CDH4: variants seen among roughly 807,000 people sequenced by gnomAD.
CDH4 encodes cadherin-4.
Under a neutral mutation model 86.0 loss-of-function variants are expected in CDH4, and 33 were observed. The observed-to-expected ratio is 0.38, with a 90% confidence interval of 0.29 to 0.51. The LOEUF (loss-of-function observed/expected upper bound fraction) is 0.51. CDH4 is among the 20% of genes least tolerant of loss of function. The probability of loss-of-function intolerance (pLI) is 0.86; values close to 1 mark genes in which losing one functional copy is unlikely to be tolerated. For synonymous variants in CDH4, 555 were observed against 549.4 expected (o/e 1.01, Z -0.14); for missense variants, 1,114 against 1,307.4 (o/e 0.85, Z 2.28).
At chr20:61,758,339 C>T (rs984878464) in intron 3 of CDH4, among the ~76,000 whole-genome samples, 1 of 152,242 alleles carries the variant, frequency 6.6e-6, no homozygotes, top group African/African-American at 2.4e-5. Flanking sequence ...AACGTAATTA[C>T]TCAGTGCTCC....
chr20:61,685,908 A>C (rs2145864323), intron 2 of CDH4, among the ~76,000 whole-genome samples: 1 of 152,370 alleles, frequency 6.6e-6, no homozygotes, highest in East Asian at 1.9e-4. Flanking sequence ...CACACCATTT[A>C]GCATTCCAGA....
At chr20:61,896,338 G>A (rs943485598) in intron 8 of CDH4, among the ~76,000 whole-genome samples, 1 of 152,226 alleles carries the variant, frequency 6.6e-6, no homozygotes, top group African/African-American at 2.4e-5. Context: ...AGGCAACTAA[G>A]GCCAGAGCCC....
intron 2 of CDH4, among the ~76,000 whole-genome samples, chr20:61,333,270 C>CGT (rs1250102690): frequency 2.1e-5 from 3 of 145,322 alleles, no homozygotes; most frequent in Admixed American, 2.0e-4. Flanking sequence ...CATGTACACA[C>CGT]ACACACACAC....
intron 2 of CDH4, among the ~76,000 whole-genome samples, chr20:61,611,642 C>T (rs928012460): frequency 7.2e-5 from 11 of 152,138 alleles, no homozygotes; most frequent in Admixed American, 6.5e-4. Context: ...AGCTTTTCTG[C>T]CAACCCACTA....
intron 2 of CDH4, among the ~76,000 whole-genome samples, chr20:61,267,630 TAAC>T (rs1275322923): frequency 6.6e-6 from 1 of 152,240 alleles, no homozygotes; most frequent in South Asian, 2.1e-4. Flanking sequence ...AATGGAATCT[TAAC>T]AAGGATTATA....
intron 3 of CDH4, among the ~76,000 whole-genome samples, chr20:61,755,271 CCACACA>C (rs571056841): frequency 3.4e-5 from 5 of 148,390 alleles, no homozygotes; most frequent in South Asian, 2.2e-4. Flanking sequence ...CATATCAATA[CCACACA>C]CACACACACG....
chr20:61,832,774 A>G (rs1384180782), intron 4 of CDH4, among the ~76,000 whole-genome samples: 2 of 152,298 alleles, frequency 1.3e-5, no homozygotes, highest in East Asian at 3.9e-4. Flanking sequence ...GGGTGGGGAC[A>G]CAAAGTCTAA....
At chr20:61,873,499 T>A (rs1489140660) in intron 6 of CDH4, among the ~76,000 whole-genome samples, 3 of 152,260 alleles carry the variant, frequency 2.0e-5, no homozygotes, top group Non-Finnish European at 4.4e-5. Flanking sequence ...TCAGAGCAGA[T>A]GACCTCAAAG....
intron 4 of CDH4, among the ~76,000 whole-genome samples, chr20:61,815,271 C>G (rs1324018562): frequency 3.3e-5 from 5 of 152,196 alleles, no homozygotes; most frequent in Admixed American, 6.5e-5. Flanking sequence ...AAAGCAATAA[C>G]AGAGCATCCC....
Position 61,747,397 on chromosome 20 carries a change from G to A in CDH4, c.396+3608G>A, listed in dbSNP as rs140697678. ...TGGGAGGCGGAGCTCGCAGTGAGCCGAGTGAGCCACCGCACTCCAGCCTAG... is the reference window on the plus strand; with the variant it reads ...TGGGAGGCGGAGCTCGCAGTGAGCCAAGTGAGCCACCGCACTCCAGCCTAG... On this transcript the variant is annotated intron_variant, in intron 3 of 15. Coordinates refer to ENST00000614565, the MANE Select transcript of CDH4 (RefSeq NM_001794.5). Among the ~76,000 whole-genome samples the A allele has an allele frequency of 6.9e-3, 1,025 of 147,706 alleles. 13 individuals are homozygous for A. The highest frequency in any genetic ancestry group is 0.024 in the African/African-American group (967 of 39,794).
At chr20:61,591,717 C>T (rs956795453) in intron 2 of CDH4, among the ~76,000 whole-genome samples, 5 of 152,176 alleles carry the variant, frequency 3.3e-5, no homozygotes, top group African/African-American at 1.2e-4. Context: ...TTCTGTTGTT[C>T]TCTGAATGGA....
intron 8 of CDH4, among the ~76,000 whole-genome samples, chr20:61,901,926 C>T (rs998957867): frequency 1.3e-5 from 2 of 152,216 alleles, no homozygotes; most frequent in Non-Finnish European, 2.9e-5. Context: ...AAGTAAAGTT[C>T]GCAGTCGGCC....
intron 2 of CDH4, among the ~76,000 whole-genome samples, chr20:61,444,282 TG>T (rs1167892025): frequency 0.14 from 20,471 of 151,058 alleles, 114 homozygotes; most frequent in Admixed American, 0.16. Flanking sequence ...TGTATGTGTA[TG>T]TATGTGTGGG....
In CDH4 at chr20:61,367,017, G is replaced by A. The variant is rs577573835; in HGVS notation, c.169+112080G>A. 4.4e-4 allele frequency among the ~76,000 whole-genome samples: 67 copies of A among 152,248 alleles called. No individual in the cohort carries two copies. In the South Asian group the frequency reaches 5.4e-3, roughly 12 times the overall value. On this transcript the variant is annotated intron_variant, in intron 2 of 15. Coordinates refer to ENST00000614565, the MANE Select transcript of CDH4 (RefSeq NM_001794.5). The stretch of plus-strand genomic sequence containing the variant: ...AACACATTGCAGGCAACGAGACAGC[G>A]GGGCCCATCGACCCCACCCACCCCA...
chr20:61,876,814 G>A (rs879526951), intron 7 of CDH4, among the ~76,000 whole-genome samples: 1 of 152,196 alleles, frequency 6.6e-6, no homozygotes, highest in Non-Finnish European at 1.5e-5. Flanking sequence ...AAGACAAACA[G>A]CTAAAGCTTT....
intron 2 of CDH4, among the ~76,000 whole-genome samples, chr20:61,715,833 G>A (rs952037606): frequency 2.6e-5 from 4 of 152,138 alleles, no homozygotes; most frequent in African/African-American, 7.2e-5. Context: ...CCCATGCACT[G>A]GGCCAGGCCT....
Position 61,708,492 on chromosome 20 carries a change from C to T in CDH4, c.170-35071C>T, listed in dbSNP as rs541140213. Among the ~76,000 whole-genome samples the T allele has an allele frequency of 1.3e-5, 2 of 152,288 alleles. No homozygotes were observed. The highest frequency in any genetic ancestry group is 6.5e-5 in the Admixed American group (1 of 15,304). Reference sequence around the variant, plus strand: ...GCTATGGAGAAACCCAATCCAGGCCCCGGGCTCCCAGTTTGACACCCGGCC... The same window carrying T: ...GCTATGGAGAAACCCAATCCAGGCCTCGGGCTCCCAGTTTGACACCCGGCC... On this transcript the variant is annotated intron_variant, in intron 2 of 15. Transcript: ENST00000614565. This position sits in a 1 kb window ranked among gnomAD's most constrained non-coding sequence, Gnocchi z 4.5.
chr20:61,608,760 G>T (rs117960458), intron 2 of CDH4, among the ~76,000 whole-genome samples: 1 of 152,192 alleles, frequency 6.6e-6, no homozygotes, highest in African/African-American at 2.4e-5. Flanking sequence ...GGCTGCAGGC[G>T]TCACTGCCAC....
chr20:61,926,365 C>T (rs551188065), intron 11 of CDH4, among the ~76,000 whole-genome samples: 4 of 152,328 alleles, frequency 2.6e-5, no homozygotes, highest in Admixed American at 2.6e-4. Context: ...ATTGTGCAAA[C>T]GCTCGTCCCA....
Sources: allele counts gnomAD v4.1 joint callset (sites outside exome capture counted in the v4.1 genomes callset), GRCh38; gene constraint gnomAD v4.1.1; non-coding constraint Gnocchi (gnomAD v3.1); transcripts MANE v1.5; gene names NCBI Gene and HGNC (gene_info 2026-07-23, HGNC 2026-07-21).